Variants in ZNF737 observed in about 807,000 individuals in gnomAD.
The protein encoded by ZNF737 is zinc finger protein 737, also known as zinc finger protein 102 (Y3).
ZNF737 carries 13 observed loss-of-function variants against 11.7 expected under a neutral mutation model. That is an observed-to-expected ratio of 1.11 (90% CI 0.73 to 1.77). ZNF737 has a LOEUF of 1.77. ZNF737 is among the 40% of genes most tolerant of loss of function. The pLI is 0.00. For synonymous variants in ZNF737, 217 were observed against 216.2 expected (o/e 1.00, Z -0.03); for missense variants, 636 against 638.0 (o/e 1.00, Z 0.03).
intron 1 of ZNF737, among the ~76,000 whole-genome samples, chr19:20,556,687 A>C (rs188522690): frequency 6.6e-6 from 1 of 152,358 alleles, no homozygotes; most frequent in Non-Finnish European, 1.5e-5. Flanking sequence ...ACAAACAAGG[A>C]CAACCCATCT....
At chr19:20,530,665 C>T in the ZNF737 span, among the ~76,000 whole-genome samples, 28 of 144,864 alleles carry the variant, frequency 1.9e-4, 3 homozygotes, top group South Asian at 4.6e-4. Context: ...ACATCTCAGA[C>T]GATGGGCAGC....
chr19:20,542,685 T>G lies in ZNF737; in HGVS notation c.*1907A>C, dbSNP rs1968263271. On this transcript the variant is annotated 3_prime_UTR_variant, in exon 4 of 4. Coordinates refer to ENST00000427401, the MANE Select transcript of ZNF737 (RefSeq NM_001159293.2). ...TTACGTTATACATTACTTAATAGAA[T>G]TTTACTACAAACAGCTTCTCCACTT... 6.1e-6 allele frequency: 6 copies of G among 984,044 alleles called. No individual in the cohort carries two copies. Among genetic ancestry groups the G allele is most frequent in the African/African-American group, 1.7e-5 (1 of 57,324 alleles). The allele number at this position is 984,044 out of a possible 1,614,324, so 61.0% of individuals were successfully genotyped here. A position where few individuals can be genotyped will look rare whatever the true frequency, so the allele number is the denominator to read the frequency against.
Position 20,543,834 on chromosome 19 carries a change from T to C in ZNF737, c.*758A>G, listed in dbSNP as rs1046715135. The C allele has an allele frequency of 2.0e-5, 20 of 985,414 alleles. No homozygotes were observed. Among genetic ancestry groups the C allele is most frequent in the Middle Eastern group, 5.2e-4 (1 of 1,914 alleles). The allele number at this position is 985,414 out of a possible 1,614,324, so 61.0% of individuals were successfully genotyped here. A position where few individuals can be genotyped will look rare whatever the true frequency, so the allele number is the denominator to read the frequency against. On this transcript the variant is annotated 3_prime_UTR_variant, in exon 4 of 4. Transcript: ENST00000427401. Reference sequence around the variant, plus strand: ...GAATTATTGCCATGCCTCTTAAGAATTGAGAACTTGTGGCTGGGCGTCGTG... The same window carrying C: ...GAATTATTGCCATGCCTCTTAAGAACTGAGAACTTGTGGCTGGGCGTCGTG...
At chr19:20,562,516 C>A (rs1555762719) in intron 1 of ZNF737, among the ~76,000 whole-genome samples, 1 of 151,318 alleles carries the variant, frequency 6.6e-6, no homozygotes, top group African/African-American at 2.4e-5. Flanking sequence ...CCTGATTTTT[C>A]TTTTTCTTTT....
At chr19:20,532,617 C>A (rs1555753101), downstream of ZNF737, among the ~76,000 whole-genome samples, 1 of 141,674 alleles carries the variant, frequency 7.1e-6, no homozygotes, top group African/African-American at 2.7e-5. Flanking sequence ...TACATTTTTT[C>A]ATAAATGTAA....
Position 20,540,201 on chromosome 19 carries a change from T to TA in ZNF737, c.*4390dup, listed in dbSNP as rs1184857384. The TA allele has an allele frequency of 1.0e-6, 1 of 975,874 alleles. No individual in the cohort carries two copies. The highest frequency in any genetic ancestry group is 6.2e-5 in the Admixed American group (1 of 16,250). 60.5% of individuals were successfully genotyped at this position (975,874 alleles called of 1,614,324 possible). A position where few individuals can be genotyped will look rare whatever the true frequency, so the allele number is the denominator to read the frequency against. On this transcript the variant is annotated 3_prime_UTR_variant, in exon 4 of 4. Coordinates refer to ENST00000427401, the MANE Select transcript of ZNF737 (RefSeq NM_001159293.2). ...CAACATGTTCTACCTAGAAGTCACT[T>TA]ACTTTCAGGCCAGCAGGGGTGTTTT...
chr19:20,550,224 G>A (rs1968615061), intron 3 of ZNF737, among the ~76,000 whole-genome samples: 1 of 152,108 alleles, frequency 6.6e-6, no homozygotes, highest in South Asian at 2.1e-4. Flanking sequence ...TATATATTTT[G>A]TAGAATGGGG....
In ZNF737 at chr19:20,545,588, T is replaced by G. The variant is rs574509593; in HGVS notation, c.615A>C (p.Glu205Asp). The G allele has an allele frequency of 1.2e-4, 200 of 1,613,968 alleles. 2 individuals are homozygous for G. In the African/African-American group the frequency reaches 2.3e-3, roughly 19 times the overall value. Residue 205 changes from glutamate to aspartate, a missense_variant, in exon 4 of 4, where the codon GAA (glutamate) becomes GAC (aspartate). By Grantham distance (45) the Glu-to-Asp change is conservative. Transcript: ENST00000427401. ...AGGACCAGTTGAAGGCTTTGCCACA[T>G]TCTTCACATTTGAAGGGTTTCTCCC... ...HTGEKPFKCE[E>D]CGKAFNWSSH...
intron 3 of ZNF737, among the ~76,000 whole-genome samples, chr19:20,548,369 GAA>G (rs1169152163): frequency 6.6e-6 from 1 of 152,100 alleles, no homozygotes; most frequent in Non-Finnish European, 1.5e-5. Context: ...TGAACTTTGA[GAA>G]TATTATGTCA....
chr19:20,555,927 G>A (rs1968873118), intron 1 of ZNF737, among the ~76,000 whole-genome samples: 1 of 152,106 alleles, frequency 6.6e-6, no homozygotes, highest in Middle Eastern at 3.4e-3. Flanking sequence ...GCCTTTAAAG[G>A]TGTCAGTACC....
At chr19:20,536,425 C>CTTATATGCT (rs1967968450), downstream of ZNF737, among the ~76,000 whole-genome samples, 4 of 152,132 alleles carry the variant, frequency 2.6e-5, no homozygotes, top group Admixed American at 2.0e-4. Flanking sequence ...ATTTATATCA[C>CTTATATGCT]CTGCCTCTGC....
Position 20,545,946 on chromosome 19 carries a change from C to CCTTT in ZNF737, c.256_257insAAAG (p.Trp86Ter). The CCTTT allele has an allele frequency of 1.9e-6, 3 of 1,558,612 alleles. No individual in the cohort carries two copies. The highest frequency in any genetic ancestry group is 2.6e-6 in the Non-Finnish European group (3 of 1,158,308). On this transcript the variant is annotated stop_gained and frameshift_variant, in exon 4 of 4. Coordinates refer to ENST00000427401, the MANE Select transcript of ZNF737 (RefSeq NM_001159293.2). LOFTEE classifies it low-confidence loss of function (END_TRUNC). ...AGAATCTTTTATGCTCTGCTCTGGC[C>CCTTT]AAAGATCTCGGGCAAAATGAGAACA...
intron 2 of ZNF737, among the ~76,000 whole-genome samples, chr19:20,553,308 G>C (rs1320306960): frequency 6.6e-6 from 1 of 152,012 alleles, no homozygotes; most frequent in Non-Finnish European, 1.5e-5. Flanking sequence ...GCCTGGGCTG[G>C]AGTGCAATGG....
intron 1 of ZNF737, among the ~76,000 whole-genome samples, chr19:20,562,953 C>G (rs1969154451): frequency 6.6e-6 from 1 of 151,622 alleles, no homozygotes; most frequent in South Asian, 2.1e-4. Context: ...TCACCTCCCA[C>G]CTCCTTTCTA....
intron 1 of ZNF737, among the ~76,000 whole-genome samples, chr19:20,554,856 G>A (rs1334265924): frequency 7.5e-6 from 1 of 133,270 alleles, no homozygotes; most frequent in African/African-American, 3.1e-5. Flanking sequence ...ATTTAAATAA[G>A]CATTTCTTTT....
At position 20,552,560 on chromosome 19, in the gene ZNF737, G is replaced by A; in HGVS notation, c.141C>T (p.Val47=). 1.3e-6 allele frequency: 2 copies of A among 1,581,972 alleles called. No individual in the cohort carries two copies. The highest frequency in any genetic ancestry group is 1.7e-6 in the Non-Finnish European group (2 of 1,167,698). The change falls in exon 3 of 4, where the codon GTC becomes GTT. Residue 47 remains valine (V), a synonymous_variant. Transcript: ENST00000427401. ...GACAGGTGATGAGGTCTGGCTTAGA[G>A]ACAACAATACCTGTTTTATTAAAAA... is the stretch of plus-strand genomic sequence containing the variant. ...YRNLVFLGIV[V]SKPDLITCLE...
At chr19:20,561,651 A>G (rs1190169537) in intron 1 of ZNF737, among the ~76,000 whole-genome samples, 2 of 151,908 alleles carry the variant, frequency 1.3e-5, no homozygotes, top group Non-Finnish European at 2.9e-5. Context: ...TTTGCTGAAC[A>G]TTAAACAATT....
At chr19:20,531,248 C>CGGGAGAGGGGAGAGGGGAGACGGGAGAG (rs537727097), downstream of ZNF737, among the ~76,000 whole-genome samples, 1 of 77,110 alleles carries the variant, frequency 1.3e-5, no homozygotes, top group African/African-American at 5.9e-5. Flanking sequence ...AGAGGGGAGA[C>CGGGAGAGGGGAGAGGGGAGACGGGAGAG]GGGAGAGGGG....
Position 20,538,280 on chromosome 19 carries a change from C to A in ZNF737, c.*6312G>T, listed in dbSNP as rs1407596101. 1.3e-5 allele frequency among the ~76,000 whole-genome samples: 2 copies of A among 152,238 alleles called. No homozygotes were observed. The highest frequency in any genetic ancestry group is 2.9e-5 in the Non-Finnish European group (2 of 68,036). On this transcript the variant is annotated 3_prime_UTR_variant, in exon 4 of 4. Coordinates refer to ENST00000427401, the MANE Select transcript of ZNF737 (RefSeq NM_001159293.2). The stretch of plus-strand genomic sequence containing the variant: ...AAATATTTGCCCTGGCATGCTTATA[C>A]TAATCCAAGCAAGCATTAGGTCATA...
Sources: allele counts gnomAD v4.1 joint callset (sites outside exome capture counted in the v4.1 genomes callset), GRCh38; gene constraint gnomAD v4.1.1; transcripts MANE v1.5; gene names NCBI Gene and HGNC (gene_info 2026-07-23, HGNC 2026-07-21).